MPP7: variants seen among roughly 807,000 people sequenced by gnomAD.
The protein encoded by MPP7 is MAGUK p55 subfamily member 7.
In MPP7, 60 loss-of-function variants were observed where a neutral mutation model predicts 76.5. That is an observed-to-expected ratio of 0.78 (90% CI 0.64 to 0.97). The LOEUF (loss-of-function observed/expected upper bound fraction) is 0.97, where lower values mean the gene tolerates loss of function less well. Ranked by LOEUF, MPP7 falls within the 50% of genes least tolerant of loss-of-function variation. MPP7 has a pLI of 0.00. For synonymous variants in MPP7, 237 were observed against 244.5 expected (o/e 0.97, Z 0.29); for missense variants, 641 against 694.0 (o/e 0.92, Z 0.86).
At chr10:28,142,173 A>G (rs753473792) in intron 5 of MPP7, among the ~76,000 whole-genome samples, 2 of 152,204 alleles carry the variant, frequency 1.3e-5, no homozygotes, top group Non-Finnish European at 2.9e-5. Context: ...AAGAATGCCA[A>G]ATTCTACTAT....
chr10:28,114,223 C>G (rs993744914), intron 11 of MPP7, among the ~76,000 whole-genome samples: 1 of 152,132 alleles, frequency 6.6e-6, no homozygotes, highest in Non-Finnish European at 1.5e-5. Context: ...TCAGCGTGAA[C>G]CACATAGTGA....
chr10:28,222,523 A>G (rs7086267), intron 2 of MPP7, among the ~76,000 whole-genome samples: 26,293 of 151,618 alleles, frequency 0.17, 2,580 homozygotes, highest in African/African-American at 0.26. Context: ...AAATTTAAAA[A>G]GCAAAACTTT....
intron 1 of MPP7, among the ~76,000 whole-genome samples, chr10:28,289,912 T>A (rs892419846): frequency 2.6e-5 from 4 of 152,216 alleles, no homozygotes. Flanking sequence ...TCCGCCTCCC[T>A]GGCTCAAGCA....
chr10:28,194,309 T>C (rs1461851137), intron 3 of MPP7, among the ~76,000 whole-genome samples: 1 of 152,182 alleles, frequency 6.6e-6, no homozygotes, highest in African/African-American at 2.4e-5. Context: ...CCACCACACC[T>C]GGCCAGCAGT....
chr10:28,213,717 G>C (rs1588933807), intron 2 of MPP7, among the ~76,000 whole-genome samples: 1 of 151,376 alleles, frequency 6.6e-6, no homozygotes, highest in East Asian at 2.0e-4. Context: ...GCTTGAACCT[G>C]GGAGGTGGAG....
intron 1 of MPP7, among the ~76,000 whole-genome samples, chr10:28,266,561 C>A (rs1433147336): frequency 6.6e-6 from 1 of 152,022 alleles, no homozygotes; most frequent in Non-Finnish European, 1.5e-5. Context: ...CAGAGTGAGA[C>A]CCTGACTTTA....
intron 1 of MPP7, among the ~76,000 whole-genome samples, chr10:28,292,364 T>C (rs1200987082): frequency 1.3e-5 from 2 of 148,504 alleles, no homozygotes; most frequent in African/African-American, 2.5e-5. Context: ...CAATAGAAAA[T>C]ACAACAGAAG....
At chr10:28,179,320 C>T (rs1222460620) in intron 3 of MPP7, among the ~76,000 whole-genome samples, 1 of 152,146 alleles carries the variant, frequency 6.6e-6, no homozygotes, top group Admixed American at 6.5e-5. Context: ...AAACCTGTCC[C>T]TATCTCAGTA....
At chr10:28,277,574 T>C (rs2133073864) in intron 1 of MPP7, among the ~76,000 whole-genome samples, 1 of 152,050 alleles carries the variant, frequency 6.6e-6, no homozygotes, top group Middle Eastern at 3.4e-3. Flanking sequence ...GGTTTCAATA[T>C]AGCAACCTCA....
chr10:28,198,189 G>A (rs1272682292), intron 3 of MPP7, among the ~76,000 whole-genome samples: 5 of 152,114 alleles, frequency 3.3e-5, no homozygotes. Flanking sequence ...CATTTAAAAG[G>A]TACTAACAAT....
chr10:28,067,505 G>GTTTTGACATTGATATCTGTCTAA, intron 13 of MPP7, among the ~76,000 whole-genome samples: 3 of 152,142 alleles, frequency 2.0e-5, no homozygotes, highest in African/African-American at 7.2e-5. Context: ...ATTACTATAT[G>GTTTTGACATTGATATCTGTCTAA]AAGACATTTT....
chr10:28,257,069 A>G (rs1839809420), intron 1 of MPP7, among the ~76,000 whole-genome samples: 1 of 152,216 alleles, frequency 6.6e-6, no homozygotes, highest in South Asian at 2.1e-4. Flanking sequence ...AAACAGCATA[A>G]GTTTCAACAT....
intron 11 of MPP7, among the ~76,000 whole-genome samples, chr10:28,091,060 T>C (rs2133454978): frequency 6.6e-6 from 1 of 152,006 alleles, no homozygotes; most frequent in African/African-American, 2.4e-5. Context: ...GACAGGAGAA[T>C]CGCTTGAACT....
chr10:28,197,638 T>A (rs1445534873), intron 3 of MPP7, among the ~76,000 whole-genome samples: 1 of 152,120 alleles, frequency 6.6e-6, no homozygotes, highest in Non-Finnish European at 1.5e-5. Flanking sequence ...TAATCATCCA[T>A]CCCTTCATTT....
chr10:28,074,199 C>T (rs998625447), intron 12 of MPP7, among the ~76,000 whole-genome samples: 57 of 152,158 alleles, frequency 3.7e-4, no homozygotes, highest in African/African-American at 1.2e-3. Context: ...ACCTCAACTA[C>T]TTCAGAAAAC....
At position 28,054,071 on chromosome 10, in the gene MPP7, A is replaced by C; in HGVS notation, c.1725T>G (p.His575Gln). 1 of 1,612,362 alleles carries C rather than the reference A, an allele frequency of 6.2e-7. No individual in the cohort carries two copies. Among genetic ancestry groups the C allele is most frequent in the Non-Finnish European group, 8.5e-7 (1 of 1,179,236 alleles). ...ETHWVPVSWL[H>Q]S is the part of the protein sequence containing the mutation. ...TTATGGAAATTTCTCTTAGTTATGAATGTAACCAGCTCACTGGCACCCAAT... is the reference window on the plus strand; with the variant it reads ...TTATGGAAATTTCTCTTAGTTATGACTGTAACCAGCTCACTGGCACCCAAT... The change falls in exon 17 of 17, where the codon CAT (histidine) becomes CAG (glutamine). Residue 575 changes from histidine (H) to glutamine (Q), a missense_variant. By Grantham distance (24) the His-to-Gln change is conservative. Transcript: ENST00000683449.
intron 2 of MPP7, chr10:28,202,995 C>T (rs1471999500): frequency 1.3e-5 from 2 of 152,186 alleles, no homozygotes; most frequent in Non-Finnish European, 2.9e-5. Flanking sequence ...TAGCGTACTA[C>T]ATAAACCATC....
chr10:28,060,188 T>C (rs868462766), intron 13 of MPP7, among the ~76,000 whole-genome samples: 23 of 152,180 alleles, frequency 1.5e-4, no homozygotes, highest in Admixed American at 6.6e-5. Flanking sequence ...ATAGTGGGTA[T>C]GCCATCAAAG....
intron 1 of MPP7, among the ~76,000 whole-genome samples, chr10:28,284,267 C>G (rs76958831): frequency 6.6e-6 from 1 of 152,258 alleles, no homozygotes; most frequent in African/African-American, 2.4e-5. Flanking sequence ...TTAACTGGTT[C>G]CCAGGAGGGG....
Sources: allele counts gnomAD v4.1 joint callset (sites outside exome capture counted in the v4.1 genomes callset), GRCh38; gene constraint gnomAD v4.1.1; transcripts MANE v1.5; gene names NCBI Gene and HGNC (gene_info 2026-07-23, HGNC 2026-07-21).